Variants in C16orf89 observed in about 807,000 individuals in gnomAD.
C16orf89 encodes chromosome 16 open reading frame 89, also known as UPF0764 protein C16orf89.
C16orf89 carries 57 observed loss-of-function variants against 41.5 expected under a neutral mutation model. The ratio of observed to expected loss-of-function variants is 1.38; its 90% CI spans 1.11 to 1.71. The LOEUF (loss-of-function observed/expected upper bound fraction) is 1.71. Ranked by LOEUF, C16orf89 falls within the 40% of genes most tolerant of loss-of-function variation. The pLI, the probability that C16orf89 is intolerant of heterozygous loss-of-function variation, is 0.00. For synonymous variants in C16orf89, 223 were observed against 190.6 expected (o/e 1.17, Z -1.40); for missense variants, 575 against 445.9 (o/e 1.29, Z -2.61).
intron 3 of C16orf89, among the ~76,000 whole-genome samples, chr16:5,059,669 C>T (rs1227602743): frequency 1.3e-5 from 2 of 152,120 alleles, no homozygotes; most frequent in African/African-American, 2.4e-5. Context: ...GCCCACCAAA[C>T]ACCAGGATAA....
At chr16:5,042,870 A>G (rs1956233208), downstream of C16orf89, 2 of 152,276 alleles carry the variant, frequency 1.3e-5, no homozygotes, top group Non-Finnish European at 2.9e-5. The surrounding 1 kb of genome is among the most constrained non-coding windows in gnomAD (Gnocchi z 4.2). Flanking sequence ...GAAGAGCTGT[A>G]AGCTGGGAAC....
At chr16:5,062,254 A>T (rs879762033) in intron 2 of C16orf89, among the ~76,000 whole-genome samples, 171 bp downstream of exon 2, 5 of 152,188 alleles carry the variant, frequency 3.3e-5, no homozygotes, top group Non-Finnish European at 7.4e-5. Flanking sequence ...GAAGTCAAGG[A>T]TGACCGCACG....
At chr16:5,044,685 A>T (rs765240555) in intron 7 of C16orf89, 4 of 1,117,982 alleles carry the variant, frequency 3.6e-6, no homozygotes, top group African/African-American at 1.6e-5. Context: ...CTACTAAAAA[A>T]ATATAAAAAT....
At chr16:5,050,041 A>G (rs905064686) in intron 6 of C16orf89, among the ~76,000 whole-genome samples, 1 of 152,218 alleles carries the variant, frequency 6.6e-6, no homozygotes, top group African/African-American at 2.4e-5. Flanking sequence ...ACAAAGGATC[A>G]TTAGAGACTA....
chr16:5,062,659 A>C (rs1426919121), intron 1 of C16orf89, 85 bp from the exon 2 acceptor site: 4 of 1,388,542 alleles, frequency 2.9e-6, no homozygotes, highest in Non-Finnish European at 3.9e-6. Context: ...AATGCCCCAA[A>C]GTCTAATGCT....
At position 5,055,197 on chromosome 16, in the gene C16orf89, C is replaced by T. The variant is rs376467865; in HGVS notation, c.868+49G>A. 2.0e-6 allele frequency: 3 copies of T among 1,472,432 alleles called. No homozygotes were observed. The African/African-American group carries it at 4.2e-5, about 21-fold the overall frequency. The allele number at this position is 1,472,432 out of a possible 1,614,324, so 91.2% of individuals were successfully genotyped here. A position where few individuals can be genotyped will look rare whatever the true frequency, so the allele number is the denominator to read the frequency against. On this transcript the variant is annotated intron_variant, in intron 6 of 7. Transcript: ENST00000472572. ...ACCTGGCCTAGAAACTCAGAGCCAC[C>T]CCCACCCCCACTGCCCCCCTTCTTA...
intron 5 of C16orf89, 101 bp from the exon 6 acceptor site, chr16:5,055,451 G>A: frequency 8.5e-7 from 1 of 1,180,908 alleles, no homozygotes; most frequent in Non-Finnish European, 1.2e-6. Flanking sequence ...ATCTGCCTGG[G>A]TTAGGCTTAG....
At chr16:5,065,571 C>G (rs1956722786) in intron 1 of C16orf89, 130 bp downstream of exon 1, 5 of 1,128,730 alleles carry the variant, frequency 4.4e-6, no homozygotes, top group Non-Finnish European at 6.2e-6. Context: ...GGCCTCCTCT[C>G]TCCTTATAGC....
rs77952898 is a variant in C16orf89 at position 5,065,215 on chromosome 16, T to C, written c.208+486A>G. 8.5e-3 allele frequency among the ~76,000 whole-genome samples: 1,298 copies of C among 152,308 alleles called. 15 individuals carry two copies. Among genetic ancestry groups the C allele is most frequent in the East Asian group, 0.037 (192 of 5,184 alleles). On this transcript the variant is annotated intron_variant, in intron 1 of 7. Transcript: ENST00000472572. Reference sequence around the variant, plus strand: ...TCCAGCCCCCTTCTTGGGGATCTTATAGCTCTCAAAGCTAAACAAACACTT... The same window carrying C: ...TCCAGCCCCCTTCTTGGGGATCTTACAGCTCTCAAAGCTAAACAAACACTT...
In C16orf89 at chr16:5,057,123, A is replaced by C. The variant is rs1956524278; in HGVS notation, c.628-935T>G. On this transcript the variant is annotated intron_variant, in intron 4 of 7. Transcript: ENST00000472572. ...CATAGTGGGACGTGCCTGTAATCCCAGCTACTTGGGAGGCTGAGGCAGAGA... is the reference window on the plus strand; with the variant it reads ...CATAGTGGGACGTGCCTGTAATCCCCGCTACTTGGGAGGCTGAGGCAGAGA... 4.6e-5 allele frequency among the ~76,000 whole-genome samples: 7 copies of C among 151,928 alleles called. 1 individual carries two copies. In the South Asian group the frequency reaches 1.5e-3, roughly 32 times the overall value.
intron 4 of C16orf89, among the ~76,000 whole-genome samples, chr16:5,057,267 C>CAT (rs969867475): frequency 3.0e-5 from 4 of 134,500 alleles, no homozygotes; most frequent in African/African-American, 5.6e-5. Context: ...AAGAAATATA[C>CAT]ATATATATAT....
chr16:5,065,780 C>A lies in C16orf89; in HGVS notation c.129G>T (p.Leu43=). ...ATIADLILSA[L]ERATVFLEQR... ...GTTCTAGGAAGACGGTGGCTCTCTC[C>A]AGCGCAGACAGGATCAGGTCTGCAA... The change falls in exon 1 of 8, where the codon CTG becomes CTT. Residue 43 remains leucine (L), a synonymous_variant. Coordinates refer to ENST00000472572, the MANE Select transcript of C16orf89 (RefSeq NM_001098514.3). 1 of 1,614,190 alleles carries A rather than the reference C, an allele frequency of 6.2e-7. No individual in the cohort carries two copies. Among genetic ancestry groups the A allele is most frequent in the Non-Finnish European group, 8.5e-7 (1 of 1,179,984 alleles).
Position 5,055,774 on chromosome 16 carries a change from C to T in C16orf89, c.763+279G>A. The T allele has an allele frequency of 2.7e-6, 4 of 1,508,718 alleles. No individual in the cohort carries two copies. In the East Asian group the frequency reaches 7.4e-5, roughly 28 times the overall value. 93.5% of individuals were successfully genotyped at this position (1,508,718 alleles called of 1,614,324 possible). On this transcript the variant is annotated intron_variant, in intron 5 of 7. Transcript: ENST00000472572. ...AGTGGCAGGTAAAATACAGGATGCCCAGTTACATTTGAGTTTTCGATAAAC... is the reference window on the plus strand; with the variant it reads ...AGTGGCAGGTAAAATACAGGATGCCTAGTTACATTTGAGTTTTCGATAAAC...
intron 3 of C16orf89, among the ~76,000 whole-genome samples, chr16:5,059,695 T>A (rs1956576960): frequency 6.6e-6 from 1 of 152,090 alleles, no homozygotes; most frequent in Non-Finnish European, 1.5e-5. Context: ...GGAGCCCAGC[T>A]AGGCTCAGTC....
Position 5,055,348 on chromosome 16 carries a change from T to G in C16orf89, c.766A>C (p.Met256Leu). ...GAGAAGCCGCCCATTCCACAGAACATGACTGGAAGTAAAGACGGGGGCCCT... is the reference window on the plus strand; with the variant it reads ...GAGAAGCCGCCCATTCCACAGAACAGGACTGGAAGTAAAGACGGGGGCCCT... ...PTRDIFMENIMFCGMGGFSDF... is the reference protein window; with the variant it reads ...PTRDIFMENILFCGMGGFSDF... The change falls in exon 6 of 8, where the codon ATG becomes CTG. Residue 256 changes from methionine to leucine, a missense_variant and splice_region_variant. Met to Leu is a conservative substitution (Grantham distance 15). Coordinates refer to ENST00000472572, the MANE Select transcript of C16orf89 (RefSeq NM_001098514.3). 1 of 1,607,492 alleles carries G rather than the reference T, an allele frequency of 6.2e-7. No homozygotes were observed.
At position 5,065,743 on chromosome 16, in the gene C16orf89, C is replaced by G; in HGVS notation, c.166G>C (p.Glu56Gln). ...ATVFLEQRLP[E>Q]INLDGMVGVR... is the part of the protein sequence containing the mutation. ...CCCACCATGCCATCCAGGTTGATTT[C>G]AGGCAGCCTCTGTTCTAGGAAGACG... Residue 56 changes from glutamate to glutamine, a missense_variant, in exon 1 of 8, where the codon GAA becomes CAA. By Grantham distance (29) the Glu-to-Gln change is conservative. Coordinates refer to ENST00000472572, the MANE Select transcript of C16orf89 (RefSeq NM_001098514.3). 6.2e-7 allele frequency: 1 copy of G among 1,614,154 alleles called. No homozygotes were observed. Among genetic ancestry groups the G allele is most frequent in the Non-Finnish European group, 8.5e-7 (1 of 1,179,974 alleles).
chr16:5,057,292 G>A (rs147209267), intron 4 of C16orf89, among the ~76,000 whole-genome samples: 2 of 140,106 alleles, frequency 1.4e-5, no homozygotes, highest in South Asian at 4.4e-4. Flanking sequence ...ATATATATGT[G>A]TATATATATA....
At position 5,060,280 on chromosome 16, in the gene C16orf89, G is replaced by A. The variant is rs1314283206; in HGVS notation, c.509+6C>T. 6.9e-6 allele frequency: 11 copies of A among 1,604,224 alleles called. 1 individual carries two copies. Among genetic ancestry groups the A allele is most frequent in the Middle Eastern group, 1.7e-4 (1 of 6,014 alleles). ...TTCCAGCAAATAGGGCAAGTGCAGG[G>A]CCCACCCGGTTCCCAGCAGCTGCAC... On this transcript the variant is annotated splice_donor_region_variant and intron_variant, in intron 3 of 7. Transcript: ENST00000472572.
chr16:5,059,977 G>T (rs1956582510), intron 3 of C16orf89, among the ~76,000 whole-genome samples: 1 of 152,034 alleles, frequency 6.6e-6, no homozygotes, highest in South Asian at 2.1e-4. Flanking sequence ...CTGAAAAGAG[G>T]CCTCTAGGGG....
Sources: allele counts gnomAD v4.1 joint callset (sites outside exome capture counted in the v4.1 genomes callset), GRCh38; gene constraint gnomAD v4.1.1; non-coding constraint Gnocchi (gnomAD v3.1); transcripts MANE v1.5; gene names NCBI Gene and HGNC (gene_info 2026-07-23, HGNC 2026-07-21).